The following BRD3 variants were observed in gnomAD, a reference collection of about 807,000 sequenced individuals.
The protein encoded by BRD3 is bromodomain containing 3, also known as bromodomain-containing protein 3.
In BRD3, 17 loss-of-function variants were observed where a neutral mutation model predicts 66.8. That is an observed-to-expected ratio of 0.25 (90% CI 0.17 to 0.38). The LOEUF (loss-of-function observed/expected upper bound fraction) is 0.38. BRD3 is among the 10% of genes least tolerant of loss of function. The pLI is 1.00. For synonymous variants in BRD3, 421 were observed against 393.2 expected (o/e 1.07, Z -0.84); for missense variants, 713 against 956.1 (o/e 0.75, Z 3.35).
intron 6 of BRD3, among the ~76,000 whole-genome samples, chr9:134,047,067 G>A (rs540234019): frequency 3.9e-5 from 6 of 152,342 alleles, no homozygotes; most frequent in Admixed American, 2.6e-4. Context: ...CCCCACCCAC[G>A]GCAGTGGAGC....
At position 134,045,926 on chromosome 9, in the gene BRD3, A is replaced by G. The variant is rs1830156393; in HGVS notation, c.1087-505T>C. Reference sequence around the variant, plus strand: ...TGTTAGCCAGCTTGCGTCTTACAGAAGCACCCTGGTATCCCAGGGGCCTAG... The same window carrying G: ...TGTTAGCCAGCTTGCGTCTTACAGAGGCACCCTGGTATCCCAGGGGCCTAG... On this transcript the variant is annotated intron_variant, in intron 6 of 11. Transcript: ENST00000303407. This position sits in a 1 kb window ranked among gnomAD's most constrained non-coding sequence, Gnocchi z 4.8. Among the ~76,000 whole-genome samples the G allele has an allele frequency of 6.6e-6, 1 of 152,214 alleles. No homozygotes were observed. The highest frequency in any genetic ancestry group is 1.5e-5 in the Non-Finnish European group (1 of 68,020).
intron 6 of BRD3, among the ~76,000 whole-genome samples, chr9:134,047,007 AG>A (rs1210687460): frequency 6.6e-6 from 1 of 152,200 alleles, no homozygotes; most frequent in Non-Finnish European, 1.5e-5. Context: ...TGGAGGCTGC[AG>A]CCGAGGCTCC....
At chr9:134,062,826 C>T (rs779663450) in intron 1 of BRD3, among the ~76,000 whole-genome samples, 47 of 152,226 alleles carry the variant, frequency 3.1e-4, no homozygotes, top group Non-Finnish European at 5.7e-4. Flanking sequence ...AGAGCCACGA[C>T]TCAGGCAGGG....
chr9:134,051,668 T>C lies in BRD3; in HGVS notation c.393A>G (p.Lys131=), dbSNP rs1202693677. 2.5e-6 allele frequency: 4 copies of C among 1,588,722 alleles called. No homozygotes were observed. The highest frequency in any genetic ancestry group is 1.4e-5 in the African/African-American group (1 of 72,822). Residue 131 remains lysine (K), a synonymous_variant, in exon 4 of 12, where the codon AAA becomes AAG. Transcript: ENST00000303407. ...DIVLMAQALE[K]IFLQKVAQMP... is the part of the protein sequence containing the mutation. ...TCTGGGCCACTTTTTGTAGAAAAAT[T>C]TTCTCTAAAGCTTGGGCCATTAGCA...
rs750999956 is a variant in BRD3 at position 134,048,068 on chromosome 9, C to T, written c.1086+15G>A. ...AGGACATGGGCAGAGCAGGGCCTGC[C>T]GCGCGGCCACGTACTTTCACGGTGC... On this transcript the variant is annotated intron_variant, in intron 6 of 11. Coordinates refer to ENST00000303407, the MANE Select transcript of BRD3 (RefSeq NM_007371.4). The T allele has an allele frequency of 2.6e-6, 4 of 1,545,972 alleles. No homozygotes were observed. Among genetic ancestry groups the T allele is most frequent in the East Asian group, 2.3e-5 (1 of 44,104 alleles).
At chr9:134,059,236 G>C (rs958409463) in intron 1 of BRD3, among the ~76,000 whole-genome samples, 1 of 152,202 alleles carries the variant, frequency 6.6e-6, no homozygotes, top group Non-Finnish European at 1.5e-5. Flanking sequence ...AGAGGGAAGA[G>C]GGTGCACCTC....
chr9:134,033,494 C>A lies in BRD3; in HGVS notation c.*96G>T. 1 of 632,908 alleles carries A rather than the reference C, an allele frequency of 1.6e-6. No individual in the cohort carries two copies. 39.2% of individuals were successfully genotyped at this position (632,908 alleles called of 1,614,324 possible). On this transcript the variant is annotated 3_prime_UTR_variant, in exon 12 of 12. Coordinates refer to ENST00000303407, the MANE Select transcript of BRD3 (RefSeq NM_007371.4). This position sits in a 1 kb window ranked among gnomAD's most constrained non-coding sequence, Gnocchi z 5.1. ...CACTGAATTAAGAAGCAGACCTGCA[C>A]ACCATGGAACAGAAGTAGTAATATG... is the stretch of plus-strand genomic sequence containing the variant.
At position 134,042,644 on chromosome 9, in the gene BRD3, T is replaced by C. The variant is rs1021071489; in HGVS notation, c.1216-693A>G. Among the ~76,000 whole-genome samples the C allele has an allele frequency of 7.8e-3, 1,009 of 128,866 alleles. 10 individuals carry two copies. The highest frequency in any genetic ancestry group is 0.023 in the Admixed American group (298 of 12,728). 84.5% of individuals were successfully genotyped at this position (128,866 alleles called of 152,430 possible). On this transcript the variant is annotated intron_variant, in intron 7 of 11. Coordinates refer to ENST00000303407, the MANE Select transcript of BRD3 (RefSeq NM_007371.4). ...AGAGTGAGACCCTGCCTCAAATATA[T>C]ATACACACACACACACACACACACA... is the stretch of plus-strand genomic sequence containing the variant.
intron 7 of BRD3, among the ~76,000 whole-genome samples, chr9:134,043,599 G>A (rs568036798): frequency 1.1e-4 from 16 of 152,334 alleles, no homozygotes; most frequent in African/African-American, 2.9e-4. Context: ...CCGCTCGGCC[G>A]ACAGCCTTGA....
chr9:134,052,208 G>C (rs1830320508), intron 3 of BRD3, 98 bp downstream of exon 3: 1 of 1,485,372 alleles, frequency 6.7e-7, no homozygotes, highest in African/African-American at 1.4e-5. Flanking sequence ...AAGCGCTTTG[G>C]GCCTGCCCAA....
At chr9:134,036,553 C>T (rs1347217906) in intron 9 of BRD3, 6 of 1,610,410 alleles carry the variant, frequency 3.7e-6, no homozygotes, top group Non-Finnish European at 5.1e-6. Flanking sequence ...TCTCTACACC[C>T]CATAGGCGTC....
In BRD3 at chr9:134,045,166, T is replaced by G; in HGVS notation, c.1215+127A>C. 1 of 1,325,224 alleles carries G rather than the reference T, an allele frequency of 7.5e-7. No individual in the cohort carries two copies. The highest frequency in any genetic ancestry group is 1.0e-6 in the Non-Finnish European group (1 of 983,494). The allele number at this position is 1,325,224 out of a possible 1,614,324, so 82.1% of individuals were successfully genotyped here. On this transcript the variant is annotated intron_variant, in intron 7 of 11. Coordinates refer to ENST00000303407, the MANE Select transcript of BRD3 (RefSeq NM_007371.4). The surrounding 1 kb of genome is among the most constrained non-coding windows in gnomAD (Gnocchi z 4.8). ...CTGGTTGGCACTCGGGAAAAAGGTG[T>G]TGAGGGAATGAGGCTCTCTAAGGCC...
intron 10 of BRD3, among the ~76,000 whole-genome samples, chr9:134,035,678 G>A (rs1415414643): frequency 6.6e-6 from 1 of 152,252 alleles, no homozygotes; most frequent in Non-Finnish European, 1.5e-5. Flanking sequence ...AAGGCATGCA[G>A]TGAGGACCCC....
chr9:134,056,670 G>GC (rs1830433193), intron 1 of BRD3: 2 of 152,534 alleles, frequency 1.3e-5, no homozygotes, highest in East Asian at 3.8e-4. Flanking sequence ...CCACCACCTG[G>GC]CAAGGACCAC....
intron 9 of BRD3, among the ~76,000 whole-genome samples, chr9:134,038,571 G>A (rs1167843609): frequency 2.0e-5 from 3 of 152,098 alleles, no homozygotes; most frequent in African/African-American, 7.2e-5. Flanking sequence ...GTTACAGGTG[G>A]GAGCCACCAC....
chr9:134,038,474 G>C (rs1310378791), intron 9 of BRD3, among the ~76,000 whole-genome samples: 1 of 151,902 alleles, frequency 6.6e-6, no homozygotes, highest in Non-Finnish European at 1.5e-5. Context: ...TTTTTGTAAA[G>C]AGATTGAGAC....
chr9:134,067,621 C>T (rs1412147733), intron 1 of BRD3, among the ~76,000 whole-genome samples: 1 of 146,716 alleles, frequency 6.8e-6, no homozygotes, highest in Non-Finnish European at 1.5e-5. Flanking sequence ...CGGGCCGCGC[C>T]AACTCCGGGC....
At chr9:134,039,684 C>A (rs1829997548) in intron 9 of BRD3, among the ~76,000 whole-genome samples, 1 of 152,272 alleles carries the variant, frequency 6.6e-6, no homozygotes. Flanking sequence ...TCCACCATCC[C>A]TGCCCCCTGC....
At chr9:134,039,954 A>C in intron 9 of BRD3, 80 bp downstream of exon 9, 1 of 1,504,682 alleles carries the variant, frequency 6.6e-7, no homozygotes, top group Non-Finnish European at 8.8e-7. Flanking sequence ...AAAGCCCCCA[A>C]TCCCAGCACT....
Sources: gnomAD v4.1 joint callset for allele counts (sites outside exome capture counted in the v4.1 genomes callset) on GRCh38, gnomAD v4.1.1 for gene constraint, Gnocchi (gnomAD v3.1) non-coding constraint, MANE v1.5 for transcripts, NCBI Gene and HGNC (gene_info 2026-07-23, HGNC 2026-07-21) for gene names.